Variants in ALG9 observed in about 807,000 individuals in gnomAD.
ALG9 encodes the protein ALG9 alpha-1,2-mannosyltransferase, also known as alpha-1,2-mannosyltransferase ALG9.
A neutral mutation model predicts 81.8 loss-of-function variants in ALG9; 55 were observed. The observed-to-expected ratio is 0.67, with a 90% CI of 0.54 to 0.84. ALG9 has a LOEUF of 0.84. ALG9 is among the 40% of genes least tolerant of loss of function. The pLI, the probability that ALG9 is intolerant of heterozygous loss-of-function variation, is 0.00. For missense variants in ALG9, 629 were observed against 745.0 expected (o/e 0.84, Z 1.81); for synonymous variants, 278 against 274.3 (o/e 1.01, Z -0.13).
At chr11:111,853,574 C>T (rs1958168500) in intron 7 of ALG9, 75 bp downstream of exon 7, 1 of 1,560,770 alleles carries the variant, frequency 6.4e-7, no homozygotes. Flanking sequence ...GAATAAACTC[C>T]TGATGTTCCT....
chr11:111,790,346 A>G (rs1947210394), intron 14 of ALG9, among the ~76,000 whole-genome samples: 1 of 152,182 alleles, frequency 6.6e-6, no homozygotes, highest in South Asian at 2.1e-4. Flanking sequence ...GCAAAACAAA[A>G]TAAAACACAG....
At chr11:111,795,591 C>T (rs1320719087) in intron 14 of ALG9, among the ~76,000 whole-genome samples, 2 of 152,216 alleles carry the variant, frequency 1.3e-5, no homozygotes, top group East Asian at 1.9e-4. Flanking sequence ...TCAATAGACC[C>T]TTGATGTTCA....
chr11:111,826,241 C>G (rs1256589046), intron 13 of ALG9, among the ~76,000 whole-genome samples: 1 of 151,370 alleles, frequency 6.6e-6, no homozygotes, highest in Non-Finnish European at 1.5e-5. Context: ...AAAAAATTAG[C>G]TGGGTATGGT....
Position 111,870,360 on chromosome 11 carries a change from TC to T in ALG9, c.141del (p.Asn48ThrfsTer28), listed in dbSNP as rs782508232. On this transcript the variant is annotated frameshift_variant, in exon 2 of 15. Coordinates refer to ENST00000616540, the MANE Select transcript of ALG9 (RefSeq NM_024740.2). LOFTEE classifies it high-confidence loss of function. ...GGAEHRTELS[G>X]NKAGQVWAPE... is the part of the protein sequence containing the mutation. ...GGTGCCCAGACTTGTCCTGCTTTGT[TC>T]CCAGATAACCTGTTCAAAAGCAAAA... 6.7e-7 allele frequency: 1 copy of T among 1,492,376 alleles called. No homozygotes were observed. The highest frequency in any genetic ancestry group is 2.5e-5 in the East Asian group (1 of 40,540). 92.4% of individuals were successfully genotyped at this position (1,492,376 alleles called of 1,614,324 possible). A position where few individuals can be genotyped will look rare whatever the true frequency, so the allele number is the denominator to read the frequency against.
At chr11:111,791,852 G>C (rs1193202471) in intron 14 of ALG9, among the ~76,000 whole-genome samples, 1 of 152,370 alleles carries the variant, frequency 6.6e-6, no homozygotes, top group East Asian at 1.9e-4. Context: ...AGCACTTTGG[G>C]AGGCCAAGGC....
chr11:111,821,991 A>G (rs1191985854), intron 13 of ALG9, among the ~76,000 whole-genome samples: 1 of 152,170 alleles, frequency 6.6e-6, no homozygotes, highest in Non-Finnish European at 1.5e-5. Context: ...CAGAAATCAC[A>G]CTGCATTAAT....
chr11:111,777,817 A>T (rs1466187920), downstream of ALG9, among the ~76,000 whole-genome samples: 1 of 152,198 alleles, frequency 6.6e-6, no homozygotes, highest in Non-Finnish European at 1.5e-5. Flanking sequence ...AGGCTTAGAG[A>T]CACAGTAACA....
intron 4 of ALG9, chr11:111,864,314 GC>G: frequency 2.1e-6 from 2 of 932,726 alleles, no homozygotes; most frequent in Non-Finnish European, 3.5e-6. Context: ...CCGGCTGGAG[GC>G]CAGGCTCAAC....
chr11:111,849,184 A>G (rs1381381676), intron 8 of ALG9, among the ~76,000 whole-genome samples: 3 of 151,762 alleles, frequency 2.0e-5, no homozygotes, highest in Non-Finnish European at 4.4e-5. Flanking sequence ...CTGAGTAGCT[A>G]GGATTAAAGG....
At chr11:111,857,860 G>A in intron 5 of ALG9, 123 bp from the exon 6 acceptor site, 3 of 1,089,870 alleles carry the variant, frequency 2.8e-6, no homozygotes, top group Non-Finnish European at 4.1e-6. Context: ...GTACATAATT[G>A]GGGAAATGCT....
chr11:111,856,113 T>C (rs1013501574), intron 6 of ALG9, among the ~76,000 whole-genome samples: 2 of 151,416 alleles, frequency 1.3e-5, no homozygotes, highest in Non-Finnish European at 2.9e-5. Flanking sequence ...CTCGTCTCTA[T>C]TAAAAATACA....
chr11:111,826,491 C>T (rs941456477), intron 13 of ALG9, among the ~76,000 whole-genome samples: 2 of 151,774 alleles, frequency 1.3e-5, no homozygotes, highest in Admixed American at 6.6e-5. Context: ...GACAACCACT[C>T]AACTCTTCCA....
intron 10 of ALG9, among the ~76,000 whole-genome samples, chr11:111,839,403 G>C (rs1053672804): frequency 2.0e-5 from 3 of 152,048 alleles, no homozygotes; most frequent in African/African-American, 7.2e-5. Flanking sequence ...GGCTAACACA[G>C]TGAAAACCCC....
chr11:111,870,145 AC>A, intron 2 of ALG9, 86 bp downstream of exon 2: 1 of 1,404,996 alleles, frequency 7.1e-7, no homozygotes, highest in Non-Finnish European at 9.6e-7. Flanking sequence ...TAGGAGTCAC[AC>A]TTGTATATTA....
intron 12 of ALG9, chr11:111,836,597 G>A (rs1955316118): frequency 8.0e-6 from 3 of 373,424 alleles, no homozygotes; most frequent in South Asian, 4.6e-5. Flanking sequence ...ATTACTATGT[G>A]GGCAGAGAGA....
At chr11:111,774,112 G>A in the ALG9 span, among the ~76,000 whole-genome samples, 643 of 140,762 alleles carry the variant, frequency 4.6e-3, 9 homozygotes, top group African/African-American at 0.016. Flanking sequence ...GAGGCCGGGC[G>A]CCATGGCTCA....
intron 9 of ALG9, 76 bp downstream of exon 9, chr11:111,844,525 T>C (rs1345706787): frequency 6.3e-7 from 1 of 1,597,456 alleles, no homozygotes; most frequent in Non-Finnish European, 8.6e-7. Context: ...GTAAGTAGGA[T>C]TTTCCTTCAG....
At chr11:111,847,522 G>A (rs1486696346) in intron 8 of ALG9, among the ~76,000 whole-genome samples, 1 of 152,164 alleles carries the variant, frequency 6.6e-6, no homozygotes, top group Admixed American at 6.5e-5. Flanking sequence ...TCAGCAGAGA[G>A]CACCACTCTT....
intron 14 of ALG9, among the ~76,000 whole-genome samples, chr11:111,800,821 G>A (rs553489664): frequency 3.3e-5 from 5 of 152,272 alleles, no homozygotes; most frequent in Admixed American, 2.6e-4. Flanking sequence ...GCCTGGCAAT[G>A]TTCAATAAAT....
Sources: allele counts gnomAD v4.1 joint callset (sites outside exome capture counted in the v4.1 genomes callset), GRCh38; gene constraint gnomAD v4.1.1; transcripts MANE v1.5; gene names NCBI Gene and HGNC (gene_info 2026-07-23, HGNC 2026-07-21).